LEKR1: variants seen among roughly 807,000 people sequenced by gnomAD.
LEKR1 encodes the protein protein LEKR1.
Under a neutral mutation model 72.4 loss-of-function variants are expected in LEKR1, and 59 were observed. The ratio of observed to expected loss-of-function variants is 0.82; its 90% CI spans 0.66 to 1.01. LEKR1 has a LOEUF of 1.01. Ranked by LOEUF, LEKR1 falls within the 50% of genes least tolerant of loss-of-function variation. LEKR1 has a pLI of 0.00. For synonymous variants in LEKR1, 257 were observed against 263.2 expected (o/e 0.98, Z 0.23); for missense variants, 728 against 759.2 (o/e 0.96, Z 0.48).
At chr3:157,007,180 C>T (rs552309391) in intron 9 of LEKR1, among the ~76,000 whole-genome samples, 1 of 151,976 alleles carries the variant, frequency 6.6e-6, no homozygotes, top group Non-Finnish European at 1.5e-5. Context: ...CAGCCTGGGC[C>T]ACAGAGCGAG....
At position 156,971,091 on chromosome 3, in the gene LEKR1, A is replaced by T. The variant is rs191436872; in HGVS notation, c.746-8103A>T. On this transcript the variant is annotated intron_variant, in intron 6 of 12. Transcript: ENST00000356539. ...ATCACGCTACCTGACTTCAAACTAT[A>T]CTACAAGGCTACAGTAAACAAAACA... 1.4e-3 allele frequency among the ~76,000 whole-genome samples: 207 copies of T among 152,250 alleles called. 1 individual carries two copies. The highest frequency in any genetic ancestry group is 4.6e-4 in the Non-Finnish European group (31 of 68,010).
intron 12 of LEKR1, among the ~76,000 whole-genome samples, chr3:157,032,725 T>G (rs1294253786): frequency 6.6e-6 from 1 of 152,196 alleles, no homozygotes. Flanking sequence ...GACACAACAC[T>G]GGAGAGGCTC....
intron 10 of LEKR1, among the ~76,000 whole-genome samples, chr3:157,017,944 GTCTCAAAAAA>G (rs1281579640): frequency 2.0e-4 from 9 of 45,460 alleles, no homozygotes; most frequent in African/African-American, 1.1e-3. Flanking sequence ...GCGAGACTCT[GTCTCAAAAAA>G]AAAAAAAAAA....
intron 7 of LEKR1, among the ~76,000 whole-genome samples, chr3:156,984,384 A>G (rs934831853): frequency 3.9e-5 from 6 of 152,196 alleles, no homozygotes; most frequent in Non-Finnish European, 7.4e-5. Context: ...ATTATGTAAA[A>G]TATGTTTTCT....
intron 2 of LEKR1, among the ~76,000 whole-genome samples, chr3:156,834,758 C>T (rs926629756): frequency 6.6e-6 from 1 of 152,160 alleles, no homozygotes; most frequent in African/African-American, 2.4e-5. Context: ...TCAAAAATAT[C>T]ATAGAAGTAG....
chr3:156,981,036 C>T (rs550931721), intron 7 of LEKR1, among the ~76,000 whole-genome samples: 141 of 152,230 alleles, frequency 9.3e-4, no homozygotes, highest in African/African-American at 3.3e-3. Flanking sequence ...TTTAGATATG[C>T]AAATACTTAC....
chr3:156,992,167 T>C (rs1410984744), intron 7 of LEKR1, among the ~76,000 whole-genome samples: 3 of 152,244 alleles, frequency 2.0e-5, no homozygotes, highest in Non-Finnish European at 4.4e-5. Context: ...CTTTCTTTAC[T>C]TTCCAACAGC....
chr3:156,938,178 A>G (rs1308368576), intron 5 of LEKR1, among the ~76,000 whole-genome samples: 1 of 152,106 alleles, frequency 6.6e-6, no homozygotes, highest in Non-Finnish European at 1.5e-5. Context: ...TGTGTATACA[A>G]TTGGTAAAAT....
chr3:157,021,467 G>C (rs1273749386), intron 10 of LEKR1, among the ~76,000 whole-genome samples: 1 of 152,102 alleles, frequency 6.6e-6, no homozygotes, highest in Admixed American at 6.6e-5. Flanking sequence ...TAAGGTGTAA[G>C]GAAGGGATCC....
intron 3 of LEKR1, among the ~76,000 whole-genome samples, chr3:156,897,254 G>T (rs1721294322): frequency 6.6e-6 from 1 of 152,118 alleles, no homozygotes; most frequent in African/African-American, 2.4e-5. Context: ...CGGAGATGGG[G>T]CCTTTGTGGG....
intron 3 of LEKR1, among the ~76,000 whole-genome samples, chr3:156,915,653 C>T (rs1276964549): frequency 6.6e-6 from 1 of 151,620 alleles, no homozygotes; most frequent in Non-Finnish European, 1.5e-5. Flanking sequence ...ATACATGCTG[C>T]ATATCGGGCC....
intron 3 of LEKR1, among the ~76,000 whole-genome samples, chr3:156,879,431 G>A (rs1308730222): frequency 2.0e-5 from 3 of 152,148 alleles, no homozygotes; most frequent in Non-Finnish European, 2.9e-5. Flanking sequence ...CAAAGCATTC[G>A]AGAGGTTACT....
intron 4 of LEKR1, chr3:156,924,645 A>T (rs1309386166): frequency 2.2e-6 from 1 of 446,970 alleles, no homozygotes; most frequent in African/African-American, 2.0e-5. Context: ...TGAGGTAAGA[A>T]TCTAAATTCA....
intron 3 of LEKR1, among the ~76,000 whole-genome samples, chr3:156,888,001 T>C (rs1357596207): frequency 6.6e-6 from 1 of 152,194 alleles, no homozygotes; most frequent in Non-Finnish European, 1.5e-5. Context: ...GATAAAATCA[T>C]TATAGAGGTA....
At chr3:156,970,031 A>G (rs1490678073) in intron 6 of LEKR1, among the ~76,000 whole-genome samples, 4 of 152,266 alleles carry the variant, frequency 2.6e-5, no homozygotes, top group Non-Finnish European at 4.4e-5. Context: ...CCATATGATT[A>G]TCTCAATAGA....
intron 9 of LEKR1, among the ~76,000 whole-genome samples, chr3:157,005,242 A>G (rs1034923412): frequency 3.3e-5 from 5 of 152,138 alleles, no homozygotes; most frequent in African/African-American, 9.6e-5. Flanking sequence ...ACAAACTACC[A>G]AAGCTCACTA....
chr3:157,004,463 C>A (rs1199646786), intron 9 of LEKR1, among the ~76,000 whole-genome samples: 2 of 152,074 alleles, frequency 1.3e-5, no homozygotes, highest in Non-Finnish European at 2.9e-5. Context: ...ACTTTGTAAT[C>A]AATTAACATA....
intron 10 of LEKR1, among the ~76,000 whole-genome samples, chr3:157,012,081 C>T (rs1273111201): frequency 1.3e-5 from 2 of 152,066 alleles, no homozygotes; most frequent in African/African-American, 4.8e-5. Flanking sequence ...GTATTACTTT[C>T]ATAATTTTAA....
intron 5 of LEKR1, among the ~76,000 whole-genome samples, chr3:156,930,418 A>G (rs1725113097): frequency 6.6e-6 from 1 of 152,166 alleles, no homozygotes; most frequent in African/African-American, 2.4e-5. Flanking sequence ...ATGTCAATGT[A>G]ACATGACAAC....
Sources: allele counts gnomAD v4.1 joint callset (sites outside exome capture counted in the v4.1 genomes callset), GRCh38; gene constraint gnomAD v4.1.1; transcripts MANE v1.5; gene names NCBI Gene and HGNC (gene_info 2026-07-23, HGNC 2026-07-21).